Variants in ARHGAP15 observed in about 807,000 individuals in gnomAD.
ARHGAP15 encodes the protein Rho GTPase activating protein 15.
ARHGAP15 carries 51 observed loss-of-function variants against 63.7 expected under a neutral mutation model. The ratio of observed to expected loss-of-function variants is 0.80; its 90% CI spans 0.64 to 1.01. ARHGAP15 has a LOEUF of 1.01. Among genes scored for constraint, ARHGAP15 ranks in the 50% least tolerant of loss-of-function variants. The probability of loss-of-function intolerance (pLI) is 0.00; values close to 1 mark genes in which losing one functional copy is unlikely to be tolerated. For missense variants in ARHGAP15, 560 were observed against 564.6 expected, an observed-to-expected ratio of 0.99 and a Z score of 0.08; for synonymous variants, 191 against 193.8, an observed-to-expected ratio of 0.99 and a Z score of 0.12.
At chr2:143,206,549 T>C (rs1411868599) in intron 3 of ARHGAP15, among the ~76,000 whole-genome samples, 1 of 152,138 alleles carries the variant, frequency 6.6e-6, no homozygotes, top group African/African-American at 2.4e-5. Context: ...AGCCCTTCTT[T>C]GATCTGTCTC....
intron 12 of ARHGAP15, among the ~76,000 whole-genome samples, chr2:143,673,758 G>GTGTGTGTGTGTGTA (rs1553520615): frequency 1.8e-4 from 4 of 22,116 alleles, no homozygotes; most frequent in African/African-American, 2.4e-4. Context: ...GTGTGTGTGT[G>GTGTGTGTGTGTGTA]TATATATATA....
intron 12 of ARHGAP15, among the ~76,000 whole-genome samples, chr2:143,673,518 G>A (rs1056637538): frequency 4.0e-5 from 6 of 151,122 alleles, no homozygotes; most frequent in Non-Finnish European, 7.4e-5. Context: ...GGCTGGTCTC[G>A]AACCCCTGAC....
Position 143,768,214 on chromosome 2 carries a change from T to G in ARHGAP15, c.*42T>G. ...CTGAATACGTTCACATCTGTCTTGA[T>G]GCCTAATATTTTTACATTTCTGTAA... On this transcript the variant is annotated 3_prime_UTR_variant, in exon 14 of 14. Transcript: ENST00000295095. The G allele has an allele frequency of 1.3e-6, 2 of 1,486,268 alleles. No homozygotes were observed. The highest frequency in any genetic ancestry group is 1.8e-6 in the Non-Finnish European group (2 of 1,107,666). 92.1% of individuals were successfully genotyped at this position (1,486,268 alleles called of 1,614,324 possible).
chr2:143,615,431 C>T (rs1158135971), intron 11 of ARHGAP15, among the ~76,000 whole-genome samples: 1 of 152,092 alleles, frequency 6.6e-6, no homozygotes, highest in Non-Finnish European at 1.5e-5. Flanking sequence ...ATGATAAAAG[C>T]CAGAAATTAT....
intron 2 of ARHGAP15, among the ~76,000 whole-genome samples, chr2:143,190,520 G>T (rs1458074154): frequency 6.6e-6 from 1 of 152,134 alleles, no homozygotes; most frequent in East Asian, 1.9e-4. Flanking sequence ...CCCCTAGTTT[G>T]CAGTCTCACA....
At chr2:143,342,566 T>A (rs900160189) in intron 6 of ARHGAP15, among the ~76,000 whole-genome samples, 1 of 152,068 alleles carries the variant, frequency 6.6e-6, no homozygotes, top group African/African-American at 2.4e-5. Flanking sequence ...TTAAAGGCTG[T>A]AAGCTTTACA....
Position 143,153,843 on chromosome 2 carries a change from T to TTCCTCCTCCTCC in ARHGAP15, c.-14-1616_-14-1605dup, listed in dbSNP as rs796483071. Among the ~76,000 whole-genome samples, 236 of 86,826 alleles carry TTCCTCCTCCTCC rather than the reference T, an allele frequency of 2.7e-3. 21 individuals are homozygous for TTCCTCCTCCTCC. Among genetic ancestry groups the TTCCTCCTCCTCC allele is most frequent in the East Asian group, 9.6e-3 (23 of 2,392 alleles). 57.0% of individuals were successfully genotyped at this position (86,826 alleles called of 152,430 possible). On this transcript the variant is annotated intron_variant, in intron 1 of 13. Transcript: ENST00000295095. ...CTTCTTCTTCTTCTTCTTCTTCTTCTTCCTCCTCCTCCTCCTCCTCCTCCT... is the reference window on the plus strand; with the variant it reads ...CTTCTTCTTCTTCTTCTTCTTCTTCTTCCTCCTCCTCCTCCTCCTCCTCCTCCTCCTCCTCCT...
At chr2:143,763,624 TAATA>T (rs1051966152) in intron 13 of ARHGAP15, among the ~76,000 whole-genome samples, 10 of 143,792 alleles carry the variant, frequency 7.0e-5, no homozygotes, top group African/African-American at 1.7e-4. Context: ...TATATATAAA[TAATA>T]AATTGCATAT....
intron 4 of ARHGAP15, among the ~76,000 whole-genome samples, chr2:143,226,703 T>C (rs975493594): frequency 1.3e-5 from 2 of 152,222 alleles, no homozygotes; most frequent in Non-Finnish European, 2.9e-5. Context: ...ATTGAAAAAT[T>C]GATACTCTTC....
chr2:143,401,147 A>G (rs1257373526), intron 6 of ARHGAP15, among the ~76,000 whole-genome samples: 1 of 152,064 alleles, frequency 6.6e-6, no homozygotes, highest in African/African-American at 2.4e-5. Context: ...TACATATCCT[A>G]TATAAGATAT....
intron 6 of ARHGAP15, among the ~76,000 whole-genome samples, chr2:143,334,525 G>A (rs113711435): frequency 3.9e-4 from 60 of 151,998 alleles, no homozygotes; most frequent in African/African-American, 1.4e-3. Flanking sequence ...CTGCTGCTGC[G>A]GTGTGCCAAT....
At chr2:143,298,144 TG>T (rs1485627445) in intron 6 of ARHGAP15, among the ~76,000 whole-genome samples, 2 of 152,006 alleles carry the variant, frequency 1.3e-5, no homozygotes, top group African/African-American at 4.8e-5. Flanking sequence ...TAACTAGAGT[TG>T]ATTTGTTCCC....
chr2:143,656,196 A>G (rs1237269397), intron 12 of ARHGAP15: 3 of 152,206 alleles, frequency 2.0e-5, no homozygotes, highest in African/African-American at 4.8e-5. Flanking sequence ...CTAGAGTAAA[A>G]AGACACCACA....
chr2:143,134,440 A>G (rs1439557568), intron 1 of ARHGAP15, among the ~76,000 whole-genome samples: 1 of 152,120 alleles, frequency 6.6e-6, no homozygotes, highest in East Asian at 1.9e-4. Flanking sequence ...TTCTGCTATT[A>G]TGGTTAAAAT....
chr2:143,166,032 AAAGG>A (rs1690510110), intron 2 of ARHGAP15, among the ~76,000 whole-genome samples: 1 of 122,164 alleles, frequency 8.2e-6, no homozygotes, highest in Admixed American at 9.5e-5. Flanking sequence ...GAAAGAAAAC[AAAGG>A]AAGAAAAAGA....
chr2:143,456,615 C>T (rs996197535), intron 8 of ARHGAP15, among the ~76,000 whole-genome samples: 26 of 3,530 alleles, frequency 7.4e-3, no homozygotes, highest in African/African-American at 8.0e-3. Context: ...TTCTCATCTT[C>T]AAGACAGTTA....
In ARHGAP15 at chr2:143,733,433, T is replaced by C. The variant is rs189237797; in HGVS notation, c.1244+29909T>C. Among the ~76,000 whole-genome samples, 5 of 152,204 alleles carry C rather than the reference T, an allele frequency of 3.3e-5. No homozygotes were observed. In the East Asian group the frequency reaches 9.7e-4, roughly 29 times the overall value. The stretch of plus-strand genomic sequence containing the variant: ...CTTCATCTGAGCCCATTTTGGAGAG[T>C]GAAGGCCCTTCAAAAGTAAAATAAT... On this transcript the variant is annotated intron_variant, in intron 13 of 13. Coordinates refer to ENST00000295095, the MANE Select transcript of ARHGAP15 (RefSeq NM_018460.4).
At chr2:143,336,142 A>G (rs1024820712) in intron 6 of ARHGAP15, among the ~76,000 whole-genome samples, 1 of 152,118 alleles carries the variant, frequency 6.6e-6, no homozygotes, top group Non-Finnish European at 1.5e-5. Context: ...CTGAGACTAC[A>G]GGAGCACAGC....
At chr2:143,516,835 A>C (rs1466913439) in intron 9 of ARHGAP15, among the ~76,000 whole-genome samples, 2 of 152,232 alleles carry the variant, frequency 1.3e-5, no homozygotes, top group African/African-American at 4.8e-5. Context: ...ATTCAAAGCA[A>C]ATGCCCATTA....
Sources: allele counts gnomAD v4.1 joint callset (sites outside exome capture counted in the v4.1 genomes callset), GRCh38; gene constraint gnomAD v4.1.1; transcripts MANE v1.5; gene names NCBI Gene and HGNC (gene_info 2026-07-23, HGNC 2026-07-21).